The following CFAP299 variants were observed in gnomAD, a reference collection of about 807,000 sequenced individuals.
CFAP299 encodes cilia and flagella associated protein 299.
In CFAP299, 21 loss-of-function variants were observed where a neutral mutation model predicts 27.0. The ratio of observed to expected loss-of-function variants is 0.78; its 90% CI spans 0.55 to 1.12. The LOEUF (loss-of-function observed/expected upper bound fraction) is 1.12, where lower values mean the gene tolerates loss of function less well. CFAP299 is among the 50% of genes most tolerant of loss of function. The pLI is 0.00. For synonymous variants in CFAP299, 104 were observed against 98.1 expected (o/e 1.06, Z -0.36); for missense variants, 310 against 276.6 (o/e 1.12, Z -0.86).
intron 5 of CFAP299, among the ~76,000 whole-genome samples, chr4:80,951,367 T>C (rs1390303863): frequency 6.6e-6 from 1 of 152,192 alleles, no homozygotes; most frequent in Non-Finnish European, 1.5e-5. Context: ...TGCATGGACT[T>C]AGCAGGATTT....
At chr4:80,402,993 G>A (rs1439954047) in intron 2 of CFAP299, among the ~76,000 whole-genome samples, 2 of 152,156 alleles carry the variant, frequency 1.3e-5, no homozygotes, top group Admixed American at 6.5e-5. Context: ...AGGCAATGGA[G>A]CTTTTGGTGA....
intron 2 of CFAP299, among the ~76,000 whole-genome samples, chr4:80,478,507 C>G (rs758753268): frequency 1.3e-5 from 2 of 151,858 alleles, no homozygotes; most frequent in African/African-American, 4.8e-5. Context: ...AGCAATTTCT[C>G]AAATAAATGA....
chr4:80,554,013 A>G (rs998320376), intron 2 of CFAP299, among the ~76,000 whole-genome samples: 7 of 151,804 alleles, frequency 4.6e-5, no homozygotes, highest in East Asian at 1.9e-4. Context: ...CTATTTGTCA[A>G]TTTTTGCTTG....
chr4:80,893,109 A>G (rs942735900), intron 4 of CFAP299, among the ~76,000 whole-genome samples: 1 of 151,914 alleles, frequency 6.6e-6, no homozygotes, highest in African/African-American at 2.4e-5. Flanking sequence ...TAAAGAAGAA[A>G]TTTAAGAAAA....
At chr4:80,502,277 C>G (rs1291102447) in intron 2 of CFAP299, among the ~76,000 whole-genome samples, 1 of 152,016 alleles carries the variant, frequency 6.6e-6, no homozygotes, top group Non-Finnish European at 1.5e-5. Flanking sequence ...ATAAAAATCA[C>G]CAATGGCAAT....
chr4:80,357,263 A>G (rs1201152323), intron 1 of CFAP299, among the ~76,000 whole-genome samples: 1 of 152,176 alleles, frequency 6.6e-6, no homozygotes, highest in Non-Finnish European at 1.5e-5. Flanking sequence ...GGATTTTTGC[A>G]TGAATGTTCA....
Position 80,420,354 on chromosome 4 carries a change from G to A in CFAP299, c.242+57470G>A, listed in dbSNP as rs1727234129. ...TTTGCAGGGATGCTTCTGTTTGCAG[G>A]CCCTCTGAACAGTCATCTCAAAATA... On this transcript the variant is annotated intron_variant, in intron 2 of 5. Coordinates refer to ENST00000358105, the MANE Select transcript of CFAP299 (RefSeq NM_152770.3). 2.3e-5 allele frequency: 9 copies of A among 387,322 alleles called. 1 individual carries two copies. The highest frequency in any genetic ancestry group is 1.7e-4 in the South Asian group (9 of 52,850). The allele number at this position is 387,322 out of a possible 1,614,324, so 24.0% of individuals were successfully genotyped here.
intron 2 of CFAP299, among the ~76,000 whole-genome samples, chr4:80,371,316 G>A (rs925938244): frequency 2.0e-5 from 3 of 152,164 alleles, no homozygotes; most frequent in East Asian, 1.9e-4. Context: ...GGGCTGCCAC[G>A]AAGGTCTCTG....
chr4:80,529,875 A>G (rs1337779059), intron 2 of CFAP299, among the ~76,000 whole-genome samples: 2 of 152,186 alleles, frequency 1.3e-5, no homozygotes, highest in African/African-American at 2.4e-5. Flanking sequence ...AAACTGAATT[A>G]CACACAAGCA....
At chr4:80,604,074 C>T (rs1210081366) in intron 3 of CFAP299, among the ~76,000 whole-genome samples, 1 of 152,064 alleles carries the variant, frequency 6.6e-6, no homozygotes, top group Non-Finnish European at 1.5e-5. Flanking sequence ...CTTGTTGAAA[C>T]CATTATCCTT....
intron 3 of CFAP299, among the ~76,000 whole-genome samples, chr4:80,673,402 C>A (rs953072521): frequency 2.6e-5 from 4 of 152,140 alleles, no homozygotes. Context: ...TGTTCTTTTA[C>A]ATTTGCTGAG....
intron 3 of CFAP299, among the ~76,000 whole-genome samples, chr4:80,790,860 T>C (rs1193583574): frequency 1.3e-5 from 2 of 152,044 alleles, no homozygotes; most frequent in Non-Finnish European, 2.9e-5. Flanking sequence ...CATTTAATAA[T>C]TAGAATACAA....
At chr4:80,865,590 A>T (rs965932695) in intron 3 of CFAP299, among the ~76,000 whole-genome samples, 1 of 152,212 alleles carries the variant, frequency 6.6e-6, no homozygotes, top group Admixed American at 6.5e-5. Flanking sequence ...ATCGGATTTT[A>T]AAAATAATTT....
intron 3 of CFAP299, among the ~76,000 whole-genome samples, chr4:80,671,444 T>C (rs1181801010): frequency 6.6e-6 from 1 of 152,208 alleles, no homozygotes; most frequent in Non-Finnish European, 1.5e-5. Flanking sequence ...TCCAGCTTTG[T>C]TCTTTTTGCT....
chr4:80,324,678 G>C, the CFAP299 span, among the ~76,000 whole-genome samples: 2 of 152,160 alleles, frequency 1.3e-5, no homozygotes, highest in African/African-American at 4.8e-5. Context: ...AACTCTGAGA[G>C]AAAACCATTT....
rs565524798 is a variant in CFAP299 at position 80,764,648 on chromosome 4, T to A, written c.334-105345T>A. On this transcript the variant is annotated intron_variant, in intron 3 of 5. Transcript: ENST00000358105. The stretch of plus-strand genomic sequence containing the variant: ...TACTGTAAAGACACATGCTCATGTA[T>A]GTTTATTGCGGCACTATTCACAATA... Among the ~76,000 whole-genome samples the A allele has an allele frequency of 3.3e-5, 5 of 152,316 alleles. No homozygotes were observed. The East Asian group carries it at 9.6e-4, about 29-fold the overall frequency.
intron 2 of CFAP299, among the ~76,000 whole-genome samples, chr4:80,571,266 C>G (rs1474423033): frequency 6.6e-6 from 1 of 151,938 alleles, no homozygotes. Context: ...AATTCATATT[C>G]AAGATAAGGA....
intron 3 of CFAP299, among the ~76,000 whole-genome samples, chr4:80,854,838 C>CGG (rs1731746051): frequency 5.0e-4 from 27 of 53,764 alleles, no homozygotes; most frequent in Middle Eastern, 0.013. Context: ...AAAAAAAAAA[C>CGG]AGAAAAGGAA....
At chr4:80,532,886 A>G (rs778563057) in intron 2 of CFAP299, among the ~76,000 whole-genome samples, 38 of 152,230 alleles carry the variant, frequency 2.5e-4, no homozygotes, top group Non-Finnish European at 5.1e-4. Context: ...AAGAAGGTAC[A>G]AAGGACCTCC....
Sources: allele counts gnomAD v4.1 joint callset (sites outside exome capture counted in the v4.1 genomes callset), GRCh38; gene constraint gnomAD v4.1.1; transcripts MANE v1.5; gene names NCBI Gene and HGNC (gene_info 2026-07-23, HGNC 2026-07-21).